ATG14: variants seen among roughly 807,000 people sequenced by gnomAD.
The protein encoded by ATG14 is beclin 1-associated autophagy-related key regulator.
Under a neutral mutation model 60.4 loss-of-function variants are expected in ATG14, and 35 were observed. That is an observed-to-expected ratio of 0.58 (90% CI 0.44 to 0.77). The LOEUF (loss-of-function observed/expected upper bound fraction) is 0.77. ATG14 is among the 30% of genes least tolerant of loss of function. ATG14 has a pLI of 0.00. For missense variants in ATG14, 647 were observed against 626.3 expected (o/e 1.03, Z -0.35); for synonymous variants, 234 against 228.8 (o/e 1.02, Z -0.21).
intron 9 of ATG14, among the ~76,000 whole-genome samples, chr14:55,377,269 C>T (rs1289007905): frequency 6.6e-6 from 1 of 152,134 alleles, no homozygotes; most frequent in Non-Finnish European, 1.5e-5. Context: ...ATCGCTTGAA[C>T]CCAGGAGGTG....
At chr14:55,392,140 G>A (rs1885228508) in intron 3 of ATG14, among the ~76,000 whole-genome samples, 1 of 152,110 alleles carries the variant, frequency 6.6e-6, no homozygotes, top group Admixed American at 6.6e-5. Flanking sequence ...GCACAACCTA[G>A]ATCCCTCGCA....
At chr14:55,390,779 C>T (rs988678424) in intron 4 of ATG14, 132 bp downstream of exon 4, 4 of 644,396 alleles carry the variant, frequency 6.2e-6, no homozygotes, top group East Asian at 3.1e-5. Context: ...AAGATGAGGG[C>T]GAGTAGTAAA....
rs763374897 is a variant in ATG14, at chr14:55,411,557, G to A, written c.221+45C>T. On this transcript the variant is annotated intron_variant, in intron 1 of 9. Transcript: ENST00000247178. ...TCCAGCCTTCGGCTGCCTGGCTGGA[G>A]GACACACAGCAGAAGAAACAATAGG... The A allele has an allele frequency of 8.4e-6, 13 of 1,548,294 alleles. 1 individual carries two copies. The highest frequency in any genetic ancestry group is 7.1e-5 in the South Asian group (6 of 84,796).
intron 1 of ATG14, among the ~76,000 whole-genome samples, chr14:55,407,299 T>C (rs577148478): frequency 2.0e-5 from 3 of 152,100 alleles, no homozygotes; most frequent in Admixed American, 1.3e-4. Flanking sequence ...CCCAGCTAAT[T>C]TTTGTATTTT....
chr14:55,402,403 C>T (rs1343155754), intron 1 of ATG14, among the ~76,000 whole-genome samples: 2 of 152,014 alleles, frequency 1.3e-5, no homozygotes, highest in East Asian at 1.9e-4. Flanking sequence ...CCTTTTGATT[C>T]GGTTATTGCA....
chr14:55,395,235 C>A (rs1026350670), intron 3 of ATG14: 2 of 361,800 alleles, frequency 5.5e-6, no homozygotes, highest in Non-Finnish European at 1.1e-5. Context: ...CTTGGGCATC[C>A]TGGCTGCAGG....
At chr14:55,386,157 G>C in intron 4 of ATG14, 61 bp from the exon 5 acceptor site, 5 of 1,367,508 alleles carry the variant, frequency 3.7e-6, no homozygotes, top group Non-Finnish European at 5.1e-6. Flanking sequence ...GTACTGCAGA[G>C]CTCCACCCCA....
chr14:55,377,467 A>AG (rs1205110756), intron 9 of ATG14, among the ~76,000 whole-genome samples: 1 of 152,164 alleles, frequency 6.6e-6, no homozygotes, highest in East Asian at 1.9e-4. Flanking sequence ...CTTTTTATAA[A>AG]GGGGTCTATG....
intron 2 of ATG14, 144 bp downstream of exon 2, chr14:55,397,228 A>G: frequency 1.3e-6 from 1 of 753,322 alleles, no homozygotes; most frequent in Non-Finnish European, 2.3e-6. Flanking sequence ...CCTCTCCCAC[A>G]TGCACTCCTT....
Position 55,404,579 on chromosome 14 carries a change from C to T in ATG14, c.221+7023G>A, listed in dbSNP as rs375965043. Among the ~76,000 whole-genome samples the T allele has an allele frequency of 3.3e-4, 50 of 152,246 alleles. 1 individual carries two copies. The highest frequency in any genetic ancestry group is 1.2e-3 in the African/African-American group (49 of 41,534). ...AGACGAGATTATGAAAACTCTTTTG[C>T]ATTATGACAGGCCTTGAAAATATCT... On this transcript the variant is annotated intron_variant, in intron 1 of 9. Transcript: ENST00000247178.
intron 3 of ATG14, chr14:55,395,097 A>T: frequency 2.0e-6 from 1 of 503,472 alleles, no homozygotes. Flanking sequence ...TTTTGTCTGA[A>T]GATTTATCCT....
chr14:55,366,771 A>G lies in ATG14; in HGVS notation c.*2848T>C, dbSNP rs116219514. ...AAAATGGAAAACATGACCAAGTTCT[A>G]TGGCTTTTTGTTTAAACAAAATACC... On this transcript the variant is annotated 3_prime_UTR_variant, in exon 10 of 10. Coordinates refer to ENST00000247178, the MANE Select transcript of ATG14 (RefSeq NM_014924.5). 511 of 152,782 alleles carry G rather than the reference A, an allele frequency of 3.3e-3. 5 individuals are homozygous for G. The highest frequency in any genetic ancestry group is 0.012 in the African/African-American group (484 of 41,592). The allele number at this position is 152,782 out of a possible 1,614,324, so 9.5% of individuals were successfully genotyped here.
rs1347722032 is a variant in ATG14, at chr14:55,377,981, T to A, written c.1086+3A>T. On this transcript the variant is annotated splice_donor_region_variant and intron_variant, in intron 8 of 9. Transcript: ENST00000247178. ...AAATTAGTTCACAACCTATTTTTCA[T>A]ACCTGAGAAAAACAAAGGTAAAGAA... 6.2e-7 allele frequency: 1 copy of A among 1,605,614 alleles called. No homozygotes were observed. The highest frequency in any genetic ancestry group is 8.5e-7 in the Non-Finnish European group (1 of 1,174,056).
At position 55,397,396 on chromosome 14, in the gene ATG14, C is replaced by A. The variant is rs375340324; in HGVS notation, c.260G>T (p.Ser87Ile). Reference protein sequence around the residue: ...DKKERLSRLKSKQEEFQKEVL... With the variant: ...DKKERLSRLKIKQEEFQKEVL... ...CTCTTTCTGAAATTCTTCTTGCTTG[C>A]TCTTAAGTCGGCTTAACCTTTCCTT... Residue 87 changes from serine to isoleucine, a missense_variant, in exon 2 of 10, where the codon AGC becomes ATC. Coordinates refer to ENST00000247178, the MANE Select transcript of ATG14 (RefSeq NM_014924.5). 6.4e-5 allele frequency: 103 copies of A among 1,613,576 alleles called. No individual in the cohort carries two copies. Among genetic ancestry groups the A allele is most frequent in the Non-Finnish European group, 8.4e-5 (99 of 1,179,712 alleles).
intron 1 of ATG14, among the ~76,000 whole-genome samples, chr14:55,405,730 T>C (rs181528959): frequency 3.3e-5 from 5 of 152,354 alleles, no homozygotes; most frequent in Admixed American, 2.6e-4. Context: ...GTAATTTTAA[T>C]ATGTCCAGCA....
At chr14:55,404,677 C>A (rs1299457971) in intron 1 of ATG14, among the ~76,000 whole-genome samples, 1 of 152,184 alleles carries the variant, frequency 6.6e-6, no homozygotes, top group African/African-American at 2.4e-5. Flanking sequence ...GGTGCTGCCT[C>A]TCCAGGGTTA....
Position 55,390,896 on chromosome 14 carries a change from A to G in ATG14, c.409+15T>C, listed in dbSNP as rs1176162744. The G allele has an allele frequency of 2.6e-6, 4 of 1,538,440 alleles. No homozygotes were observed. The South Asian group carries it at 4.6e-5, about 18-fold the overall frequency. On this transcript the variant is annotated intron_variant, in intron 4 of 9. Coordinates refer to ENST00000247178, the MANE Select transcript of ATG14 (RefSeq NM_014924.5). ...GCACTTTCTAGGGCTGGAAGGAAGG[A>G]CACGAATTACTTACTTTTCTCCATT...
chr14:55,372,963 T>C (rs946706595), intron 9 of ATG14, among the ~76,000 whole-genome samples: 1 of 152,138 alleles, frequency 6.6e-6, no homozygotes, highest in African/African-American at 2.4e-5. Flanking sequence ...GGAACAATTT[T>C]GGTTCCAATG....
Position 55,375,471 on chromosome 14 carries a change from C to T in ATG14, c.1172+2348G>A, listed in dbSNP as rs537075532. ...CACAGCAGCTGGGACTACAGGCATG[C>T]ATTACCACGCCGGGCTAAATTTTTT... On this transcript the variant is annotated intron_variant, in intron 9 of 9. Coordinates refer to ENST00000247178, the MANE Select transcript of ATG14 (RefSeq NM_014924.5). Among the ~76,000 whole-genome samples, 14 of 148,344 alleles carry T rather than the reference C, an allele frequency of 9.4e-5. 1 individual carries two copies. In the East Asian group the frequency reaches 2.8e-3, roughly 29 times the overall value.
Sources: allele counts gnomAD v4.1 joint callset (sites outside exome capture counted in the v4.1 genomes callset), GRCh38; gene constraint gnomAD v4.1.1; transcripts MANE v1.5; gene names NCBI Gene and HGNC (gene_info 2026-07-23, HGNC 2026-07-21).